The following NOX4 variants were observed in gnomAD, a reference collection of about 807,000 sequenced individuals.
NOX4 encodes the protein NADPH oxidase 4.
A neutral mutation model predicts 87.6 loss-of-function variants in NOX4; 69 were observed. The ratio of observed to expected loss-of-function variants is 0.79; its 90% confidence interval spans 0.65 to 0.96. NOX4 has a LOEUF of 0.96. NOX4 is among the 40% of genes least tolerant of loss of function. The pLI, the probability that NOX4 is intolerant of heterozygous loss-of-function variation, is 0.00. For synonymous variants in NOX4, 275 were observed against 238.2 expected (o/e 1.15, Z -1.42); for missense variants, 680 against 681.5 (o/e 1.00, Z 0.02).
chr11:89,578,592 T>C, the NOX4 span, among the ~76,000 whole-genome samples: 4 of 152,194 alleles, frequency 2.6e-5, no homozygotes, highest in East Asian at 1.9e-4. Flanking sequence ...TGAGATAATA[T>C]AGCTTGTAAA....
At chr11:89,572,148 C>G in the NOX4 span, among the ~76,000 whole-genome samples, 1 of 152,196 alleles carries the variant, frequency 6.6e-6, no homozygotes, top group African/African-American at 2.4e-5. Context: ...CCCTGACCAC[C>G]TTGGGCACAT....
the NOX4 span, among the ~76,000 whole-genome samples, chr11:89,578,738 A>T: frequency 6.6e-6 from 1 of 152,214 alleles, no homozygotes; most frequent in East Asian, 1.9e-4. Context: ...ATGCAAACAC[A>T]TTAAATCAGA....
chr11:89,481,618 C>T (rs1341851697), intron 2 of NOX4, among the ~76,000 whole-genome samples: 2 of 152,032 alleles, frequency 1.3e-5, no homozygotes, highest in Non-Finnish European at 2.9e-5. Flanking sequence ...TTATTTTTCT[C>T]TCCAGAATTA....
the NOX4 span, among the ~76,000 whole-genome samples, chr11:89,528,917 G>A: frequency 6.6e-6 from 1 of 152,096 alleles, no homozygotes; most frequent in Non-Finnish European, 1.5e-5. Context: ...ATTATTATGT[G>A]ATAGGACAAA....
intron 5 of NOX4, among the ~76,000 whole-genome samples, chr11:89,441,013 G>T (rs1490839264): frequency 6.6e-6 from 1 of 152,126 alleles, no homozygotes; most frequent in Non-Finnish European, 1.5e-5. Context: ...CTGGTTTTAA[G>T]CCCATCTTTG....
intron 2 of NOX4, among the ~76,000 whole-genome samples, chr11:89,453,573 G>T (rs1180690877): frequency 6.6e-6 from 1 of 152,174 alleles, no homozygotes; most frequent in African/African-American, 2.4e-5. Flanking sequence ...AAAATGCAGA[G>T]ATGTTAGCAA....
chr11:89,379,660 C>T (rs1272794837), intron 11 of NOX4, among the ~76,000 whole-genome samples: 2 of 152,250 alleles, frequency 1.3e-5, no homozygotes, highest in South Asian at 4.1e-4. Context: ...CAACCCCAAC[C>T]TTCCCTATCT....
chr11:89,367,399 C>G (rs1313295244), intron 12 of NOX4, among the ~76,000 whole-genome samples: 1 of 152,118 alleles, frequency 6.6e-6, no homozygotes, highest in Admixed American at 6.6e-5. Context: ...TTTTTGTACA[C>G]TAACTCTCTC....
intron 7 of NOX4, among the ~76,000 whole-genome samples, chr11:89,422,801 T>G (rs1943155425): frequency 6.7e-6 from 1 of 148,340 alleles, no homozygotes; most frequent in Non-Finnish European, 1.5e-5. Context: ...TCTGATTTTT[T>G]TTTTTTTTTT....
At chr11:89,573,750 G>A in the NOX4 span, among the ~76,000 whole-genome samples, 1 of 152,210 alleles carries the variant, frequency 6.6e-6, no homozygotes, top group Non-Finnish European at 1.5e-5. Context: ...AGAGATCCAA[G>A]TGGGCGACTT....
chr11:89,462,754 A>C (rs188038930), intron 2 of NOX4, among the ~76,000 whole-genome samples: 160 of 152,210 alleles, frequency 1.1e-3, no homozygotes, highest in Non-Finnish European at 1.7e-3. Context: ...AATAGAACAT[A>C]ATATATTAAT....
chr11:89,531,562 T>C, the NOX4 span, among the ~76,000 whole-genome samples: 1 of 151,888 alleles, frequency 6.6e-6, no homozygotes, highest in African/African-American at 2.4e-5. Context: ...CAAGGGAGGG[T>C]CCTGGTGAGA....
At chr11:89,478,648 A>C (rs1416412080) in intron 2 of NOX4, among the ~76,000 whole-genome samples, 1 of 152,132 alleles carries the variant, frequency 6.6e-6, no homozygotes, top group Non-Finnish European at 1.5e-5. Context: ...CACTGAACAA[A>C]ATGTATTTTC....
intron 11 of NOX4, among the ~76,000 whole-genome samples, chr11:89,389,085 C>T (rs541059646): frequency 6.6e-6 from 1 of 152,242 alleles, no homozygotes; most frequent in East Asian, 1.9e-4. Context: ...TCTGATACTA[C>T]ATAAGGTCCT....
At position 89,451,890 on chromosome 11, in the gene NOX4, T is replaced by G; in HGVS notation, c.159A>C (p.Gly53=). 1 of 1,610,244 alleles carries G rather than the reference T, an allele frequency of 6.2e-7. No individual in the cohort carries two copies. Among genetic ancestry groups the G allele is most frequent in the South Asian group, 1.1e-5 (1 of 91,030 alleles). ...ATGCTGAGGCTCTGCTTAGACACAATCCTAGCTGAACAAATAAGGCAAGGT... is the reference window on the plus strand; with the variant it reads ...ATGCTGAGGCTCTGCTTAGACACAAGCCTAGCTGAACAAATAAGGCAAGGT... The part of the protein sequence containing the change: ...YHYLHQMLGL[G]LCLSRASASV... Residue 53 remains glycine, a synonymous_variant, in exon 3 of 18, where the codon GGA becomes GGC. Transcript: ENST00000263317.
At chr11:89,411,269 T>C (rs1345322745) in intron 8 of NOX4, among the ~76,000 whole-genome samples, 1 of 152,098 alleles carries the variant, frequency 6.6e-6, no homozygotes, top group Non-Finnish European at 1.5e-5. Context: ...CTGAGAGATG[T>C]ACTGGCTTTA....
At chr11:89,500,345 A>G (rs1489985727), upstream of NOX4, among the ~76,000 whole-genome samples, 1 of 152,096 alleles carries the variant, frequency 6.6e-6, no homozygotes, top group African/African-American at 2.4e-5. Flanking sequence ...CTTTCTTAAA[A>G]TTTGTATGTG....
At chr11:89,553,404 T>C in the NOX4 span, among the ~76,000 whole-genome samples, 4 of 152,122 alleles carry the variant, frequency 2.6e-5, no homozygotes, top group Non-Finnish European at 5.9e-5. Flanking sequence ...GCTATTATCG[T>C]AAGTTTCCTG....
At chr11:89,480,151 A>G (rs556798850) in intron 2 of NOX4, among the ~76,000 whole-genome samples, 3 of 152,178 alleles carry the variant, frequency 2.0e-5, no homozygotes, top group Non-Finnish European at 2.9e-5. Flanking sequence ...TTGTTTTGCT[A>G]TTAAGTACAA....
Sources: gnomAD v4.1 joint callset for allele counts (sites outside exome capture counted in the v4.1 genomes callset) on GRCh38, gnomAD v4.1.1 for gene constraint, MANE v1.5 for transcripts, NCBI Gene and HGNC (gene_info 2026-07-23, HGNC 2026-07-21) for gene names.